The following SHANK2 variants were observed in gnomAD, a reference collection of about 807,000 sequenced individuals.
SHANK2 encodes the protein SH3 and multiple ankyrin repeat domains protein 2.
SHANK2 carries 43 observed loss-of-function variants against 133.7 expected under a neutral mutation model. That is an observed-to-expected ratio of 0.32 (90% CI 0.25 to 0.41). The LOEUF (loss-of-function observed/expected upper bound fraction) is 0.41. Among genes scored for constraint, SHANK2 ranks in the 10% least tolerant of loss-of-function variants. The pLI is 1.00. For synonymous variants in SHANK2, 1,017 were observed against 952.8 expected (o/e 1.07, Z -1.24); for missense variants, 1,994 against 2,235.8 (o/e 0.89, Z 2.18).
intron 9 of SHANK2, among the ~76,000 whole-genome samples, chr11:71,058,258 G>T (rs1329013524): frequency 1.3e-5 from 2 of 152,158 alleles, no homozygotes; most frequent in African/African-American, 2.4e-5. Flanking sequence ...GCTACCATTT[G>T]CCCGTGAAGC....
At chr11:71,164,843 G>A (rs1953105573) in intron 2 of SHANK2, among the ~76,000 whole-genome samples, 1 of 152,302 alleles carries the variant, frequency 6.6e-6, no homozygotes, top group South Asian at 2.1e-4. Context: ...CCTTGAGTCT[G>A]AAGGGCACTT....
At chr11:70,735,141 A>G (rs930297722) in intron 14 of SHANK2, among the ~76,000 whole-genome samples, 11 of 152,290 alleles carry the variant, frequency 7.2e-5, no homozygotes, top group South Asian at 2.1e-4. Context: ...GACTCTGCCC[A>G]ATCTGTCAGG....
chr11:70,558,190 C>G (rs563729825), intron 17 of SHANK2, among the ~76,000 whole-genome samples: 1 of 152,152 alleles, frequency 6.6e-6, no homozygotes, highest in Admixed American at 6.5e-5. Flanking sequence ...GAGGGGGAGC[C>G]CCCTGGCCCC....
At chr11:70,777,111 G>A (rs1326734024) in intron 14 of SHANK2, among the ~76,000 whole-genome samples, 4 of 140,290 alleles carry the variant, frequency 2.9e-5, no homozygotes, top group African/African-American at 1.1e-4. Flanking sequence ...ACCTACATAT[G>A]CATTTACACA....
chr11:70,884,016 G>A (rs1280751866), intron 11 of SHANK2, among the ~76,000 whole-genome samples: 1 of 152,196 alleles, frequency 6.6e-6, no homozygotes, highest in Non-Finnish European at 1.5e-5. Context: ...GATCTGCAGG[G>A]AGCCAGGAGC....
At chr11:70,503,811 A>G (rs1225133666) in intron 17 of SHANK2, among the ~76,000 whole-genome samples, 3 of 152,152 alleles carry the variant, frequency 2.0e-5, no homozygotes, top group African/African-American at 7.2e-5. Flanking sequence ...TCCCAGCCCC[A>G]CGCTACTCCC....
intron 8 of SHANK2, among the ~76,000 whole-genome samples, chr11:71,082,275 C>T (rs1475149429): frequency 3.3e-5 from 5 of 152,208 alleles, no homozygotes; most frequent in African/African-American, 1.2e-4. Flanking sequence ...CGTGACCAAG[C>T]CCAGGCTTGG....
intron 17 of SHANK2, among the ~76,000 whole-genome samples, chr11:70,553,158 T>C (rs2059791012): frequency 1.3e-5 from 2 of 151,970 alleles, no homozygotes; most frequent in Non-Finnish European, 2.9e-5. Flanking sequence ...AGTGGCGCGA[T>C]CTCGTCTCAC....
chr11:71,118,903 C>A lies in SHANK2; in HGVS notation c.337G>T (p.Gly113Cys). ...LFQPASNGRD[G>C]KFLDEERLLR... ...AGCCGCTCCTCATCCAGGAACTTGCCGTCACGCCCATTGCTGGCCGGCTGG... is the reference window on the plus strand; with the variant it reads ...AGCCGCTCCTCATCCAGGAACTTGCAGTCACGCCCATTGCTGGCCGGCTGG... Residue 113 changes from glycine (G) to cysteine (C), a missense_variant, in exon 4 of 26, where the codon GGC becomes TGC. Transcript: ENST00000601538. 6.4e-7 allele frequency: 1 copy of A among 1,551,756 alleles called. No homozygotes were observed. Among genetic ancestry groups the A allele is most frequent in the South Asian group, 1.2e-5 (1 of 84,058 alleles).
intron 1 of SHANK2, among the ~76,000 whole-genome samples, chr11:71,236,569 G>A (rs1434471387): frequency 6.6e-6 from 1 of 152,200 alleles, no homozygotes; most frequent in African/African-American, 2.4e-5. Flanking sequence ...CCGAGATCAC[G>A]CTCAGCTTGA....
At chr11:70,475,652 G>A (rs2058653047) in intron 25 of SHANK2, among the ~76,000 whole-genome samples, 1 of 152,172 alleles carries the variant, frequency 6.6e-6, no homozygotes. Context: ...TGTGGACTGA[G>A]GCTTCAATCC....
At chr11:71,212,563 C>T (rs530255835) in intron 2 of SHANK2, among the ~76,000 whole-genome samples, 71 of 152,316 alleles carry the variant, frequency 4.7e-4, no homozygotes, top group African/African-American at 1.5e-3. Context: ...ACAGAGCAAA[C>T]GTGCCCATTC....
intron 14 of SHANK2, among the ~76,000 whole-genome samples, chr11:70,762,012 T>C (rs1379657356): frequency 8.5e-5 from 13 of 152,208 alleles, no homozygotes; most frequent in African/African-American, 2.4e-4. Context: ...CAATGACTGC[T>C]GCCCTGGCCC....
intron 11 of SHANK2, among the ~76,000 whole-genome samples, chr11:70,862,263 G>A (rs1376348606): frequency 2.0e-5 from 3 of 152,202 alleles, no homozygotes; most frequent in African/African-American, 7.2e-5. Flanking sequence ...AGTGTCTCAG[G>A]GGGAGGGTGT....
intron 14 of SHANK2, among the ~76,000 whole-genome samples, chr11:70,781,524 T>A (rs1406986876): frequency 7.3e-6 from 1 of 136,312 alleles, no homozygotes; most frequent in Non-Finnish European, 1.6e-5. Context: ...CCTACACATT[T>A]ATTTCTAAAA....
At chr11:70,861,795 C>T (rs1020474021) in intron 11 of SHANK2, among the ~76,000 whole-genome samples, 1 of 152,106 alleles carries the variant, frequency 6.6e-6, no homozygotes, top group African/African-American at 2.4e-5. Flanking sequence ...AGGGAATAAG[C>T]CAGACCTCAG....
intron 15 of SHANK2, chr11:70,669,224 T>C (rs1944746355): frequency 6.6e-6 from 1 of 152,300 alleles, no homozygotes; most frequent in Non-Finnish European, 1.5e-5. Flanking sequence ...AAGCCCTGGC[T>C]GTTCTCTTAA....
At chr11:70,826,431 T>C (rs1948641361) in intron 11 of SHANK2, 2 of 470,586 alleles carry the variant, frequency 4.3e-6, no homozygotes, top group South Asian at 3.1e-5. Context: ...AGCTGCTAAT[T>C]CCCATGCACC....
intron 2 of SHANK2, among the ~76,000 whole-genome samples, chr11:71,201,109 A>G (rs1032143190): frequency 3.3e-5 from 5 of 152,124 alleles, no homozygotes; most frequent in African/African-American, 1.2e-4. Flanking sequence ...GTGCCCAAAA[A>G]TTCCTCCCAA....
Sources: allele counts gnomAD v4.1 joint callset (sites outside exome capture counted in the v4.1 genomes callset), GRCh38; gene constraint gnomAD v4.1.1; transcripts MANE v1.5; gene names NCBI Gene and HGNC (gene_info 2026-07-23, HGNC 2026-07-21).